ADAM7: variants seen among roughly 807,000 people sequenced by gnomAD.
The protein encoded by ADAM7 is ADAM metallopeptidase domain 7.
Under a neutral mutation model 102.9 loss-of-function variants are expected in ADAM7, and 97 were observed. The ratio of observed to expected loss-of-function variants is 0.94; its 90% confidence interval spans 0.80 to 1.12. The LOEUF (loss-of-function observed/expected upper bound fraction) is 1.12. ADAM7 is among the 50% of genes most tolerant of loss of function. The pLI, the probability that ADAM7 is intolerant of heterozygous loss-of-function variation, is 0.00. For synonymous variants in ADAM7, 334 were observed against 304.4 expected, an observed-to-expected ratio of 1.10 and a Z score of -1.01; for missense variants, 991 against 908.7, an observed-to-expected ratio of 1.09 and a Z score of -1.16.
chr8:24,454,215 T>C (rs1818913259), intron 3 of ADAM7, among the ~76,000 whole-genome samples: 1 of 152,186 alleles, frequency 6.6e-6, no homozygotes, highest in Non-Finnish European at 1.5e-5. Flanking sequence ...TCTGCAGAGG[T>C]TACTGCTGTC....
At position 24,482,866 on chromosome 8, in the gene ADAM7, C is replaced by T. The variant is rs543653951; in HGVS notation, c.875+555C>T. ...ATATTCCTTGGTAGACTTAAAAATG[C>T]CATTAGGTAAGCAAAGTGCTTTTAG... On this transcript the variant is annotated intron_variant, in intron 9 of 21. Transcript: ENST00000175238. 2.6e-5 allele frequency among the ~76,000 whole-genome samples: 4 copies of T among 152,150 alleles called. 1 individual carries two copies. Among genetic ancestry groups the T allele is most frequent in the African/African-American group, 9.6e-5 (4 of 41,502 alleles).
chr8:24,498,432 C>T (rs961121989), intron 16 of ADAM7, among the ~76,000 whole-genome samples: 1 of 151,128 alleles, frequency 6.6e-6, no homozygotes, highest in African/African-American at 2.4e-5. Flanking sequence ...TAGAAATTAG[C>T]ATATATAGCT....
chr8:24,503,806 C>T (rs1473411691), intron 20 of ADAM7, among the ~76,000 whole-genome samples: 5 of 151,994 alleles, frequency 3.3e-5, no homozygotes, highest in African/African-American at 1.2e-4. Context: ...TGTTCTCACT[C>T]ATAAGTGGGA....
At chr8:24,463,306 C>T in intron 3 of ADAM7, among the ~76,000 whole-genome samples, 1 of 152,022 alleles carries the variant, frequency 6.6e-6, no homozygotes, top group Non-Finnish European at 1.5e-5. Context: ...TATTCAGTGA[C>T]AGTTGTTAAA....
intron 6 of ADAM7, among the ~76,000 whole-genome samples, chr8:24,468,413 T>G (rs185430673): frequency 5.3e-5 from 8 of 152,018 alleles, no homozygotes; most frequent in Admixed American, 3.9e-4. Flanking sequence ...AATACCTAGG[T>G]GATGGGGTTG....
chr8:24,476,537 A>G (rs781280181), intron 8 of ADAM7, 33 bp downstream of exon 8: 55 of 1,527,704 alleles, frequency 3.6e-5, no homozygotes, highest in Middle Eastern at 1.7e-4. Context: ...AATCAAGCCA[A>G]TAATACGAAT....
At chr8:24,449,112 T>C (rs1235748654) in intron 3 of ADAM7, among the ~76,000 whole-genome samples, 1 of 152,222 alleles carries the variant, frequency 6.6e-6, no homozygotes, top group Non-Finnish European at 1.5e-5. Flanking sequence ...GCAATAAACA[T>C]ACTTGTGCCT....
At chr8:24,495,363 T>C (rs993120750) in intron 16 of ADAM7, among the ~76,000 whole-genome samples, 2 of 152,120 alleles carry the variant, frequency 1.3e-5, no homozygotes, top group African/African-American at 4.8e-5. Context: ...ACAAAAATGC[T>C]TCAGTGAACA....
chr8:24,501,766 G>A (rs4510877), intron 20 of ADAM7, among the ~76,000 whole-genome samples, 190 bp downstream of exon 20: 42,947 of 151,732 alleles, frequency 0.28, 6,636 homozygotes, highest in South Asian at 0.39. Flanking sequence ...ATTCAAAACA[G>A]ATATGGAACA....
intron 4 of ADAM7, among the ~76,000 whole-genome samples, chr8:24,464,658 T>A (rs567546577): frequency 6.6e-6 from 1 of 152,032 alleles, no homozygotes; most frequent in Admixed American, 6.6e-5. Flanking sequence ...TGGAGCGCAG[T>A]GGTGCAATCT....
At chr8:24,468,509 A>T (rs190285849) in intron 6 of ADAM7, among the ~76,000 whole-genome samples, 7 of 152,252 alleles carry the variant, frequency 4.6e-5, no homozygotes, top group Non-Finnish European at 7.4e-5. Flanking sequence ...ATTAAAAAAT[A>T]AAATTAAATT....
In ADAM7 at chr8:24,500,144, T is replaced by C. The variant is rs758563223; in HGVS notation, c.1924-34T>C. 38 of 1,572,732 alleles carry C rather than the reference T, an allele frequency of 2.4e-5. 1 individual carries two copies. Among genetic ancestry groups the C allele is most frequent in the Admixed American group, 1.4e-4 (8 of 56,540 alleles). On this transcript the variant is annotated intron_variant, in intron 17 of 21. Coordinates refer to ENST00000175238, the MANE Select transcript of ADAM7 (RefSeq NM_003817.4). ...AGTTGCAGAACACAACTTATATCAG[T>C]CATTTGAGAATATATCATTGACTGC...
chr8:24,462,420 G>A (rs949295837), intron 3 of ADAM7, among the ~76,000 whole-genome samples: 1 of 152,164 alleles, frequency 6.6e-6, no homozygotes, highest in African/African-American at 2.4e-5. Context: ...TTCTAGCAGA[G>A]TTTTATCCGT....
At chr8:24,464,027 C>A in intron 4 of ADAM7, 67 bp downstream of exon 4, 3 of 1,373,410 alleles carry the variant, frequency 2.2e-6, no homozygotes, top group South Asian at 1.2e-5. Flanking sequence ...TTTTGAAACC[C>A]TGTTCTAGCT....
chr8:24,472,934 A>G (rs1819654979), intron 7 of ADAM7, among the ~76,000 whole-genome samples: 1 of 152,096 alleles, frequency 6.6e-6, no homozygotes, highest in South Asian at 2.1e-4. Context: ...GTTACACTTT[A>G]TTAAAAATAT....
intron 2 of ADAM7, 89 bp downstream of exon 2, chr8:24,442,665 G>A (rs867845964): frequency 2.8e-6 from 3 of 1,056,100 alleles, no homozygotes; most frequent in Non-Finnish European, 4.4e-6. Flanking sequence ...CAAATAGGGA[G>A]AGAGGAGTTT....
chr8:24,448,246 T>C (rs1818640442), intron 3 of ADAM7, among the ~76,000 whole-genome samples: 1 of 152,118 alleles, frequency 6.6e-6, no homozygotes, highest in Non-Finnish European at 1.5e-5. Flanking sequence ...TTGTCCAGGG[T>C]CACAATACTC....
chr8:24,460,602 T>A (rs1234409733), intron 3 of ADAM7, among the ~76,000 whole-genome samples: 2 of 152,064 alleles, frequency 1.3e-5, no homozygotes, highest in Non-Finnish European at 2.9e-5. Context: ...ATATTTACAA[T>A]TAATCATTAA....
chr8:24,455,191 C>T (rs1210860523), intron 3 of ADAM7, among the ~76,000 whole-genome samples: 3 of 152,032 alleles, frequency 2.0e-5, no homozygotes, highest in Admixed American at 2.0e-4. Flanking sequence ...AATCCATATA[C>T]CCGCTAACAT....
Sources: allele counts gnomAD v4.1 joint callset (sites outside exome capture counted in the v4.1 genomes callset), GRCh38; gene constraint gnomAD v4.1.1; transcripts MANE v1.5; gene names NCBI Gene and HGNC (gene_info 2026-07-23, HGNC 2026-07-21).